The following BPIFC variants were observed in gnomAD, a reference collection of about 807,000 sequenced individuals.
BPIFC encodes BPI fold-containing family C protein.
BPIFC carries 60 observed loss-of-function variants against 57.6 expected under a neutral mutation model. The observed-to-expected ratio is 1.04, with a 90% CI of 0.85 to 1.29. The LOEUF (loss-of-function observed/expected upper bound fraction) is 1.29. Ranked by LOEUF, BPIFC falls within the 50% of genes most tolerant of loss-of-function variation. BPIFC has a pLI of 0.00. For synonymous variants in BPIFC, 243 were observed against 224.5 expected (o/e 1.08, Z -0.74); for missense variants, 581 against 600.5 (o/e 0.97, Z 0.34).
At chr22:32,432,267 T>A in intron 12 of BPIFC, 106 bp downstream of exon 12, 8 of 1,233,436 alleles carry the variant, frequency 6.5e-6, no homozygotes, top group Non-Finnish European at 9.2e-6. Context: ...TCTTAATCAA[T>A]GTAGCATCCC....
At chr22:32,441,095 CCCTGCTCCTAGTGTGT>C (rs996620141) in intron 8 of BPIFC, among the ~76,000 whole-genome samples, 1 of 152,168 alleles carries the variant, frequency 6.6e-6, no homozygotes, top group Non-Finnish European at 1.5e-5. Context: ...TCCCCCAACC[CCCTGCTCCTAGTGTGT>C]CCTTCTCACA....
At chr22:32,433,276 T>C (rs1027359416) in intron 11 of BPIFC, among the ~76,000 whole-genome samples, 1 of 152,228 alleles carries the variant, frequency 6.6e-6, no homozygotes, top group Non-Finnish European at 1.5e-5. Flanking sequence ...GGATGCTACA[T>C]GAACATCTCT....
chr22:32,441,829 G>C (rs935110493), intron 8 of BPIFC, among the ~76,000 whole-genome samples: 2 of 152,182 alleles, frequency 1.3e-5, no homozygotes, highest in Non-Finnish European at 2.9e-5. Flanking sequence ...ATTTTTCCAT[G>C]GCCTGGGGTT....
intron 13 of BPIFC, among the ~76,000 whole-genome samples, 192 bp downstream of exon 13, chr22:32,431,155 C>G (rs1331576299): frequency 6.6e-6 from 1 of 150,474 alleles, no homozygotes; most frequent in Non-Finnish European, 1.5e-5. Flanking sequence ...TCACTGTCAC[C>G]CAGGCTGGAG....
In BPIFC at chr22:32,424,678, T is replaced by C. The variant is rs1188196120; in HGVS notation, c.1218-5274A>G. 6.6e-4 allele frequency among the ~76,000 whole-genome samples: 60 copies of C among 90,476 alleles called. 3 individuals carry two copies. The highest frequency in any genetic ancestry group is 1.8e-3 in the African/African-American group (26 of 14,176). 59.4% of individuals were successfully genotyped at this position (90,476 alleles called of 152,430 possible). A position where few individuals can be genotyped will look rare whatever the true frequency, so the allele number is the denominator to read the frequency against. On this transcript the variant is annotated intron_variant, in intron 13 of 16. Transcript: ENST00000300399. Reference sequence around the variant, plus strand: ...CTTCTTCTTCTTCTTCTTCTTCTTCTTCTTCTTCTTCTTCCTCTTCTTCTT... The same window carrying C: ...CTTCTTCTTCTTCTTCTTCTTCTTCCTCTTCTTCTTCTTCCTCTTCTTCTT...
At chr22:32,417,439 C>T (rs1019649680) in intron 14 of BPIFC, among the ~76,000 whole-genome samples, 2 of 152,124 alleles carry the variant, frequency 1.3e-5, no homozygotes, top group African/African-American at 4.8e-5. Flanking sequence ...TTCCAAAGTG[C>T]TAGGATTACA....
intron 8 of BPIFC, among the ~76,000 whole-genome samples, chr22:32,439,596 C>A (rs1452288880): frequency 1.3e-5 from 2 of 148,696 alleles, no homozygotes; most frequent in African/African-American, 5.0e-5. Context: ...TCCTAAGCCA[C>A]CATAGTTTTT....
At position 32,431,582 on chromosome 22, in the gene BPIFC, T is replaced by C. The variant is rs191350370; in HGVS notation, c.1150-168A>G. ...ACAGACCTCTGAAAATCCTGTCTTG[T>C]AGTTAGGGAAGCTACCTGCAAAGAC... On this transcript the variant is annotated intron_variant, in intron 12 of 16. Transcript: ENST00000300399. 2.1e-3 allele frequency among the ~76,000 whole-genome samples: 326 copies of C among 152,258 alleles called. 1 individual carries two copies. The highest frequency in any genetic ancestry group is 7.6e-3 in the African/African-American group (316 of 41,580).
At chr22:32,419,479 A>G (rs1933773626) in intron 13 of BPIFC, 75 bp from the exon 14 acceptor site, 1 of 1,376,644 alleles carries the variant, frequency 7.3e-7, no homozygotes, top group Non-Finnish European at 1.0e-6. Flanking sequence ...AAGTAAAAGG[A>G]TATTTTCAGT....
intron 7 of BPIFC, among the ~76,000 whole-genome samples, chr22:32,443,884 C>T (rs553593622): frequency 6.6e-6 from 1 of 152,306 alleles, no homozygotes; most frequent in Admixed American, 6.5e-5. Flanking sequence ...CTCCATTTCA[C>T]CTTCACTACA....
At chr22:32,462,615 T>C (rs550252186) in intron 1 of BPIFC, among the ~76,000 whole-genome samples, 4 of 152,210 alleles carry the variant, frequency 2.6e-5, no homozygotes, top group Non-Finnish European at 5.9e-5. Flanking sequence ...ACTCCCATTT[T>C]AGACACGTGG....
At position 32,432,598 on chromosome 22, in the gene BPIFC, A is replaced by T. The variant is rs1934281838; in HGVS notation, c.979-55T>A. ...TTGTGAGGCGTGAGTTGGTGAAGGGAGATCACAAGGTTAGGATGGCCTGTG... is the reference window on the plus strand; with the variant it reads ...TTGTGAGGCGTGAGTTGGTGAAGGGTGATCACAAGGTTAGGATGGCCTGTG... On this transcript the variant is annotated intron_variant, in intron 11 of 16. Transcript: ENST00000300399. 1.9e-6 allele frequency: 3 copies of T among 1,564,866 alleles called. No individual in the cohort carries two copies. The South Asian group carries it at 3.4e-5, about 18-fold the overall frequency.
At chr22:32,424,605 TC>T (rs1933954304) in intron 13 of BPIFC, among the ~76,000 whole-genome samples, 4 of 56,148 alleles carry the variant, frequency 7.1e-5, no homozygotes, top group African/African-American at 2.7e-4. Context: ...CTTCTTCTCC[TC>T]CTCCTCCTCC....
chr22:32,450,040 A>G (rs1299288821), intron 4 of BPIFC, among the ~76,000 whole-genome samples: 1 of 151,742 alleles, frequency 6.6e-6, no homozygotes, highest in South Asian at 2.1e-4. Flanking sequence ...AGCCGTGTAC[A>G]TGTACTTCTC....
Position 32,459,955 on chromosome 22 carries a change from T to C in BPIFC, c.-1+1619A>G, listed in dbSNP as rs139690329. ...GGTCAGGTAAGGATTCAGAGATGAG[T>C]AGGATTCAGAAGCAGCCTGGGTGAA... is the stretch of plus-strand genomic sequence containing the variant. On this transcript the variant is annotated intron_variant, in intron 2 of 16. Transcript: ENST00000300399. Among the ~76,000 whole-genome samples, 438 of 151,904 alleles carry C rather than the reference T, an allele frequency of 2.9e-3. 4 individuals are homozygous for C. Among genetic ancestry groups the C allele is most frequent in the African/African-American group, 0.01 (426 of 41,404 alleles).
intron 11 of BPIFC, among the ~76,000 whole-genome samples, chr22:32,433,253 T>C (rs1934298778): frequency 6.6e-6 from 1 of 152,188 alleles, no homozygotes; most frequent in African/African-American, 2.4e-5. Flanking sequence ...TCAAGATCCT[T>C]GCTCTAGAAC....
At chr22:32,441,202 T>G (rs1934556498) in intron 8 of BPIFC, among the ~76,000 whole-genome samples, 1 of 152,234 alleles carries the variant, frequency 6.6e-6, no homozygotes, top group Non-Finnish European at 1.5e-5. Flanking sequence ...TCATCTAGAT[T>G]GAGCAGCAGC....
At position 32,439,411 on chromosome 22, in the gene BPIFC, G is replaced by A. The variant is rs16990469; in HGVS notation, c.656-1560C>T. 8.6e-3 allele frequency among the ~76,000 whole-genome samples: 1,310 copies of A among 152,018 alleles called. 19 individuals are homozygous for A. The highest frequency in any genetic ancestry group is 0.03 in the African/African-American group (1,264 of 41,502). On this transcript the variant is annotated intron_variant, in intron 8 of 16. Coordinates refer to ENST00000300399, the MANE Select transcript of BPIFC (RefSeq NM_174932.3). ...GACTCAGGGCTCAGGTTTCCCACTC[G>A]GCTTTGGAGAGCTGCTTTCCTGACC...
chr22:32,415,456 A>T (rs1396869276), intron 16 of BPIFC, among the ~76,000 whole-genome samples: 1 of 152,210 alleles, frequency 6.6e-6, no homozygotes, highest in East Asian at 1.9e-4. Flanking sequence ...AAACGATTCG[A>T]TCCCTGAACT....
Sources: allele counts gnomAD v4.1 joint callset (sites outside exome capture counted in the v4.1 genomes callset), GRCh38; gene constraint gnomAD v4.1.1; transcripts MANE v1.5; gene names NCBI Gene and HGNC (gene_info 2026-07-23, HGNC 2026-07-21).